Variants in GRID1 observed in about 807,000 individuals in gnomAD.
GRID1 encodes glutamate receptor ionotropic, delta-1.
Under a neutral mutation model 98.0 loss-of-function variants are expected in GRID1, and 28 were observed. The observed-to-expected ratio is 0.29, with a 90% confidence interval of 0.21 to 0.39. GRID1 has a LOEUF of 0.39. GRID1 is among the 10% of genes least tolerant of loss of function. The probability of loss-of-function intolerance (pLI) is 1.00; values close to 1 mark genes in which losing one functional copy is unlikely to be tolerated. For missense variants in GRID1, 1,111 were observed against 1,340.5 expected (o/e 0.83, Z 2.67); for synonymous variants, 553 against 538.5 (o/e 1.03, Z -0.37).
At chr10:85,860,109 G>C (rs902260768) in intron 6 of GRID1, among the ~76,000 whole-genome samples, 5 of 152,162 alleles carry the variant, frequency 3.3e-5, no homozygotes, top group Admixed American at 2.0e-4. Context: ...GCCCAGGCTG[G>C]AGTCACAGGC....
At chr10:85,823,434 AAAAT>A (rs1227436689) in intron 8 of GRID1, among the ~76,000 whole-genome samples, 2 of 152,000 alleles carry the variant, frequency 1.3e-5, no homozygotes, top group African/African-American at 4.8e-5. Context: ...TATATAAACA[AAAAT>A]AAACAGAAAA....
intron 13 of GRID1, among the ~76,000 whole-genome samples, chr10:85,640,287 G>A (rs1843099399): frequency 6.6e-6 from 1 of 152,240 alleles, no homozygotes; most frequent in South Asian, 2.1e-4. Flanking sequence ...TGGCTGAGAG[G>A]GAAGGAGGCT....
At chr10:86,194,066 C>A (rs981156369) in intron 3 of GRID1, among the ~76,000 whole-genome samples, 1 of 152,134 alleles carries the variant, frequency 6.6e-6, no homozygotes, top group South Asian at 2.1e-4. Flanking sequence ...AGAACAAGGT[C>A]TGTTCTCCTC....
At chr10:86,261,537 T>TA (rs1420002897) in intron 2 of GRID1, among the ~76,000 whole-genome samples, 1 of 152,204 alleles carries the variant, frequency 6.6e-6, no homozygotes, top group Non-Finnish European at 1.5e-5. Context: ...GGTGCTCCAC[T>TA]AACCGCTAGG....
chr10:85,885,498 G>T (rs1841103379), intron 5 of GRID1, among the ~76,000 whole-genome samples: 1 of 152,176 alleles, frequency 6.6e-6, no homozygotes. Context: ...TACTGATATG[G>T]AGGCTAGTAA....
chr10:85,973,553 T>C (rs12219442), intron 4 of GRID1, among the ~76,000 whole-genome samples: 3,563 of 152,276 alleles, frequency 0.023, 116 homozygotes, highest in East Asian at 0.13. Context: ...TTAATTAACA[T>C]GGGCTTCTAT....
At chr10:85,775,509 C>T (rs1054785331) in intron 8 of GRID1, among the ~76,000 whole-genome samples, 8 of 151,690 alleles carry the variant, frequency 5.3e-5, no homozygotes, top group Non-Finnish European at 1.2e-4. Flanking sequence ...AAAAAGATGG[C>T]AACAATAGAC....
At chr10:86,350,682 A>G (rs532975407) in intron 2 of GRID1, among the ~76,000 whole-genome samples, 2 of 151,892 alleles carry the variant, frequency 1.3e-5, no homozygotes, top group South Asian at 2.1e-4. Context: ...GTAATTGTAC[A>G]TATTTATGGG....
chr10:86,253,547 C>T (rs1479947388), intron 2 of GRID1, among the ~76,000 whole-genome samples: 5 of 152,178 alleles, frequency 3.3e-5, no homozygotes, highest in African/African-American at 9.7e-5. Context: ...CCAGCCCATC[C>T]GAACACTCCT....
chr10:86,333,834 G>C (rs921065456), intron 2 of GRID1, among the ~76,000 whole-genome samples: 2 of 152,140 alleles, frequency 1.3e-5, no homozygotes, highest in Non-Finnish European at 2.9e-5. Flanking sequence ...AGTAGGCTGA[G>C]GGGGAGGAAT....
At chr10:85,805,421 A>G (rs1842614483) in intron 8 of GRID1, among the ~76,000 whole-genome samples, 1 of 151,820 alleles carries the variant, frequency 6.6e-6, no homozygotes, top group Non-Finnish European at 1.5e-5. Context: ...TGTCCAATAA[A>G]CCCTAAATTG....
chr10:86,086,294 T>C (rs1391764311), intron 4 of GRID1, among the ~76,000 whole-genome samples: 1 of 152,220 alleles, frequency 6.6e-6, no homozygotes, highest in Non-Finnish European at 1.5e-5. Context: ...TGCTCTTGTC[T>C]GTTATTTTTG....
chr10:86,361,053 C>T (rs2132123165), intron 2 of GRID1, among the ~76,000 whole-genome samples: 1 of 152,334 alleles, frequency 6.6e-6, no homozygotes, highest in Admixed American at 6.5e-5. Flanking sequence ...GTATCGACAA[C>T]CCATGTCCTG....
intron 2 of GRID1, among the ~76,000 whole-genome samples, chr10:86,215,497 C>T (rs1236659149): frequency 6.6e-6 from 1 of 152,178 alleles, no homozygotes; most frequent in Non-Finnish European, 1.5e-5. Flanking sequence ...TTTACTGCTC[C>T]GCCAATGAAA....
chr10:85,853,831 G>A (rs948044836), intron 8 of GRID1, among the ~76,000 whole-genome samples: 2 of 152,098 alleles, frequency 1.3e-5, no homozygotes, highest in African/African-American at 4.8e-5. Flanking sequence ...TCCCCACCCT[G>A]GATAAAAGGC....
At chr10:86,145,222 T>C (rs1845069916) in intron 3 of GRID1, among the ~76,000 whole-genome samples, 1 of 152,124 alleles carries the variant, frequency 6.6e-6, no homozygotes, top group Non-Finnish European at 1.5e-5. Context: ...GAGACTGTGG[T>C]CCTAACAGCA....
At chr10:85,900,813 A>C (rs896657917) in intron 5 of GRID1, among the ~76,000 whole-genome samples, 11 of 152,250 alleles carry the variant, frequency 7.2e-5, no homozygotes, top group African/African-American at 2.2e-4. Flanking sequence ...TGTTCAGTAC[A>C]TGTATGACGA....
intron 8 of GRID1, among the ~76,000 whole-genome samples, chr10:85,763,220 C>G (rs1235367148): frequency 6.6e-6 from 1 of 152,154 alleles, no homozygotes. Flanking sequence ...TACTTGTGCT[C>G]TCTGTATTTT....
chr10:85,935,063 A>G (rs1841908202), intron 4 of GRID1, among the ~76,000 whole-genome samples: 1 of 152,378 alleles, frequency 6.6e-6, no homozygotes, highest in East Asian at 1.9e-4. Context: ...TATTGATTAC[A>G]TGCTGACCAT....
Sources: gnomAD v4.1 joint callset for allele counts (sites outside exome capture counted in the v4.1 genomes callset) on GRCh38, gnomAD v4.1.1 for gene constraint, MANE v1.5 for transcripts, NCBI Gene and HGNC (gene_info 2026-07-23, HGNC 2026-07-21) for gene names.